The following CADPS variants were observed in gnomAD, a reference collection of about 807,000 sequenced individuals.
The protein encoded by CADPS is calcium-dependent secretion activator 1.
In CADPS, 57 loss-of-function variants were observed where a neutral mutation model predicts 167.3. The ratio of observed to expected loss-of-function variants is 0.34; its 90% confidence interval spans 0.28 to 0.42. CADPS has a LOEUF of 0.42. CADPS is among the 20% of genes least tolerant of loss of function. CADPS has a pLI of 1.00. For missense variants in CADPS, 1,414 were observed against 1,738.1 expected, an observed-to-expected ratio of 0.81 and a Z score of 3.32; for synonymous variants, 676 against 635.3, an observed-to-expected ratio of 1.06 and a Z score of -0.96.
chr3:62,675,502 G>T (rs1003779903), intron 3 of CADPS, among the ~76,000 whole-genome samples: 3 of 152,074 alleles, frequency 2.0e-5, no homozygotes, highest in Non-Finnish European at 4.4e-5. Flanking sequence ...ATTGTGAAAG[G>T]CAAATATGAC....
At chr3:62,836,202 C>A (rs2075863603) in intron 1 of CADPS, among the ~76,000 whole-genome samples, 1 of 152,152 alleles carries the variant, frequency 6.6e-6, no homozygotes, top group Admixed American at 6.5e-5. Flanking sequence ...CTAATATGAA[C>A]TTTGAAGAGA....
intron 26 of CADPS, among the ~76,000 whole-genome samples, chr3:62,450,174 G>T (rs1233320944): frequency 6.6e-6 from 1 of 152,176 alleles, no homozygotes; most frequent in Non-Finnish European, 1.5e-5. Flanking sequence ...ACAGGTATCT[G>T]AGCTGATTCT....
At chr3:62,615,576 A>C (rs1206705343) in intron 6 of CADPS, among the ~76,000 whole-genome samples, 2 of 152,178 alleles carry the variant, frequency 1.3e-5, no homozygotes, top group East Asian at 3.9e-4. Flanking sequence ...TTCATGAAGC[A>C]CGTCTGGGAC....
chr3:62,705,154 T>C lies in CADPS; in HGVS notation c.889-42760A>G, dbSNP rs142149005. Among the ~76,000 whole-genome samples, 202 of 152,238 alleles carry C rather than the reference T, an allele frequency of 1.3e-3. 1 individual carries two copies. Among genetic ancestry groups the C allele is most frequent in the Non-Finnish European group, 2.4e-3 (165 of 68,020 alleles). On this transcript the variant is annotated intron_variant, in intron 3 of 29. Transcript: ENST00000383710. Reference sequence around the variant, plus strand: ...CATTTGCTGTGCCCTCACTTGATGATAGACTTTGAGTAACTCTCTCACCAT... The same window carrying C: ...CATTTGCTGTGCCCTCACTTGATGACAGACTTTGAGTAACTCTCTCACCAT...
intron 26 of CADPS, among the ~76,000 whole-genome samples, chr3:62,460,623 A>G (rs1464738915): frequency 6.6e-6 from 1 of 152,218 alleles, no homozygotes; most frequent in Non-Finnish European, 1.5e-5. Flanking sequence ...TGGGCTTTAG[A>G]CCCAGGTGGC....
intron 3 of CADPS, among the ~76,000 whole-genome samples, chr3:62,701,502 G>A (rs984207812): frequency 2.6e-5 from 4 of 151,770 alleles, no homozygotes; most frequent in Non-Finnish European, 2.9e-5. Flanking sequence ...CCAGCTACTC[G>A]GGAGGCTGAG....
At chr3:62,764,556 G>A (rs2086361750) in intron 2 of CADPS, among the ~76,000 whole-genome samples, 2 of 152,146 alleles carry the variant, frequency 1.3e-5, no homozygotes, top group South Asian at 4.1e-4. Flanking sequence ...ATGCTAATTA[G>A]CAAACCAATC....
At chr3:62,515,867 C>T (rs539323663) in intron 16 of CADPS, among the ~76,000 whole-genome samples, 192 bp downstream of exon 16, 19 of 152,198 alleles carry the variant, frequency 1.2e-4, no homozygotes, top group Non-Finnish European at 1.5e-5. Context: ...ATTACAAAGC[C>T]CCTGTAATGT....
At chr3:62,592,243 C>G (rs2086216984) in intron 7 of CADPS, among the ~76,000 whole-genome samples, 1 of 152,118 alleles carries the variant, frequency 6.6e-6, no homozygotes, top group Non-Finnish European at 1.5e-5. Context: ...TAATTTACTT[C>G]CTTTTGTTTC....
intron 28 of CADPS, among the ~76,000 whole-genome samples, chr3:62,419,024 G>A (rs539096195): frequency 1.3e-5 from 2 of 152,262 alleles, no homozygotes; most frequent in East Asian, 1.9e-4. Context: ...AGGAAAACTC[G>A]ATTTTGTGAC....
intron 22 of CADPS, 24 bp downstream of exon 22, chr3:62,481,699 A>G (rs1368149299): frequency 3.2e-6 from 5 of 1,559,458 alleles, no homozygotes; most frequent in East Asian, 2.3e-5. Flanking sequence ...TTTAAATGAG[A>G]TCTAATGTGA....
rs2068619923 is a variant in CADPS at position 62,514,874 on chromosome 3, G to A, written c.2581+1185C>T. ...TAATATAGCCCTTTAACGACCTCTT[G>A]TTCCTCTATTTTTGTCACTCATTAC... On this transcript the variant is annotated intron_variant, in intron 16 of 29. Transcript: ENST00000383710. This position sits in a 1 kb window ranked among gnomAD's most constrained non-coding sequence, Gnocchi z 4.2. 6.6e-6 allele frequency among the ~76,000 whole-genome samples: 1 copy of A among 152,064 alleles called. No homozygotes were observed. The highest frequency in any genetic ancestry group is 2.4e-5 in the African/African-American group (1 of 41,418).
In CADPS at chr3:62,492,282, A is replaced by T. The variant is rs2063880303; in HGVS notation, c.2884+8T>A. On this transcript the variant is annotated splice_region_variant and intron_variant, in intron 20 of 29. Transcript: ENST00000383710. ...TAGGAAAGTCAAACAGTCAAAGGTAATACATACAGTCAGTACGGAGAAAAT... is the reference window on the plus strand; with the variant it reads ...TAGGAAAGTCAAACAGTCAAAGGTATTACATACAGTCAGTACGGAGAAAAT... 2 of 1,613,168 alleles carry T rather than the reference A, an allele frequency of 1.2e-6. No homozygotes were observed. The highest frequency in any genetic ancestry group is 2.7e-5 in the African/African-American group (2 of 74,886).
chr3:62,801,467 G>A (rs977807944), intron 1 of CADPS, among the ~76,000 whole-genome samples: 4 of 151,966 alleles, frequency 2.6e-5, no homozygotes, highest in African/African-American at 9.7e-5. Context: ...CATGCATAAG[G>A]TCCCAGATAA....
chr3:62,442,242 G>A (rs562637566), intron 27 of CADPS, among the ~76,000 whole-genome samples: 51 of 136,494 alleles, frequency 3.7e-4, no homozygotes, highest in South Asian at 1.6e-3. Context: ...ATGGAGTTTC[G>A]CTCTTGTTGC....
intron 1 of CADPS, among the ~76,000 whole-genome samples, chr3:62,844,470 T>C (rs943720526): frequency 6.6e-6 from 1 of 152,178 alleles, no homozygotes; most frequent in African/African-American, 2.4e-5. Context: ...TCTGCTGTTC[T>C]TTCTTCCTTT....
At chr3:62,675,702 G>C (rs886586606) in intron 3 of CADPS, among the ~76,000 whole-genome samples, 3 of 152,090 alleles carry the variant, frequency 2.0e-5, no homozygotes, top group African/African-American at 7.2e-5. Flanking sequence ...GTACCTACAA[G>C]TTCCCAGCCT....
At chr3:62,589,494 A>G (rs1160887691) in intron 7 of CADPS, among the ~76,000 whole-genome samples, 2 of 152,214 alleles carry the variant, frequency 1.3e-5, no homozygotes, top group Non-Finnish European at 2.9e-5. Flanking sequence ...CCAGGGTTTT[A>G]TTTTTGTGTA....
chr3:62,754,113 G>C (rs1047885547), intron 2 of CADPS, among the ~76,000 whole-genome samples: 1 of 152,142 alleles, frequency 6.6e-6, no homozygotes, highest in Non-Finnish European at 1.5e-5. Context: ...TGGGACTTTG[G>C]GCAAGTTAAC....
Sources: gnomAD v4.1 joint callset for allele counts (sites outside exome capture counted in the v4.1 genomes callset) on GRCh38, gnomAD v4.1.1 for gene constraint, Gnocchi (gnomAD v3.1) non-coding constraint, MANE v1.5 for transcripts, NCBI Gene and HGNC (gene_info 2026-07-23, HGNC 2026-07-21) for gene names.